ABCB1: variants seen among roughly 807,000 people sequenced by gnomAD.
ABCB1 encodes ATP-dependent translocase ABCB1.
ABCB1 carries 69 observed loss-of-function variants against 142.0 expected under a neutral mutation model. The ratio of observed to expected loss-of-function variants is 0.49; its 90% confidence interval spans 0.40 to 0.59. ABCB1 has a LOEUF of 0.59. Among genes scored for constraint, ABCB1 ranks in the 20% least tolerant of loss-of-function variants. ABCB1 has a pLI of 0.00. For synonymous variants in ABCB1, 532 were observed against 539.2 expected (o/e 0.99, Z 0.18); for missense variants, 1,326 against 1,554.7 (o/e 0.85, Z 2.47).
At chr7:87,542,089 A>G (rs1231913110) in intron 17 of ABCB1, among the ~76,000 whole-genome samples, 2 of 152,212 alleles carry the variant, frequency 1.3e-5, no homozygotes, top group Non-Finnish European at 2.9e-5. Context: ...TCAGGGAAAG[A>G]AAACACGTAT....
At chr7:87,645,081 CTT>C (rs551936794) in intron 1 of ABCB1, among the ~76,000 whole-genome samples, 21 of 128,042 alleles carry the variant, frequency 1.6e-4, no homozygotes, top group Non-Finnish European at 1.7e-4. Flanking sequence ...TGCTTTCTTT[CTT>C]TTTTTTTTTT....
At chr7:87,600,297 C>T in intron 1 of ABCB1, 107 bp from the exon 2 acceptor site, 4 of 905,220 alleles carry the variant, frequency 4.4e-6, no homozygotes, top group Non-Finnish European at 5.3e-6. Context: ...TAAGAGGGAG[C>T]GCCCGCCGTT....
rs1814559685 is a variant in ABCB1, at chr7:87,503,055, CA to C, written c.*1187del. The stretch of plus-strand genomic sequence containing the variant: ...GATTTTTTTATTCATCATTAAATTA[CA>C]AGGCAAAAAAATGATATTTTGTTTT... On this transcript the variant is annotated 3_prime_UTR_variant, in exon 28 of 28. Transcript: ENST00000622132. 6.6e-6 allele frequency among the ~76,000 whole-genome samples: 1 copy of C among 151,778 alleles called. No individual in the cohort carries two copies. Among genetic ancestry groups the C allele is most frequent in the African/African-American group, 2.4e-5 (1 of 41,356 alleles).
chr7:87,585,733 A>C, intron 3 of ABCB1, 53 bp from the exon 4 acceptor site: 1 of 1,583,738 alleles, frequency 6.3e-7, no homozygotes, highest in Non-Finnish European at 8.6e-7. Context: ...AGTTTCATGG[A>C]AGATTTGCTT....
intron 18 of ABCB1, among the ~76,000 whole-genome samples, chr7:87,540,363 G>A (rs768468496): frequency 2.6e-5 from 4 of 152,146 alleles, no homozygotes; most frequent in Non-Finnish European, 5.9e-5. Context: ...TGTGCCCAAG[G>A]ACACAAAATC....
At position 87,509,504 on chromosome 7, in the gene ABCB1, C is replaced by T. The variant is rs189804819; in HGVS notation, c.3283-23G>A. The T allele has an allele frequency of 3.4e-5, 55 of 1,610,692 alleles. 1 individual carries two copies. In the African/African-American group the frequency reaches 7.2e-4, roughly 21 times the overall value. On this transcript the variant is annotated intron_variant, in intron 25 of 27. Coordinates refer to ENST00000622132, the MANE Select transcript of ABCB1 (RefSeq NM_001348946.2). ...CAGCTGAAAACAAGAGTTCACAGAT[C>T]AACTTCAGGACCAGCACACTTTGAA...
Position 87,566,102 on chromosome 7 carries a change from C to A in ABCB1, c.670G>T (p.Val224Phe). The part of the protein sequence containing the change: ...LTLVILAISP[V>F]LGLSAAVWAK... ...CAGACAGCAGCTGACAGTCCAAGAA[C>A]AGGACTGATGGCCAAAATCACAAGG... Residue 224 changes from valine to phenylalanine, a missense_variant, in exon 7 of 28, where the codon GTT becomes TTT. Physicochemically the swap from Val to Phe is conservative, Grantham distance 50. Coordinates refer to ENST00000622132, the MANE Select transcript of ABCB1 (RefSeq NM_001348946.2). 1 of 1,614,202 alleles carries A rather than the reference C, an allele frequency of 6.2e-7. No individual in the cohort carries two copies. The highest frequency in any genetic ancestry group is 8.5e-7 in the Non-Finnish European group (1 of 1,180,032).
At chr7:87,678,978 A>G (rs192349625) in intron 1 of ABCB1, among the ~76,000 whole-genome samples, 1 of 152,158 alleles carries the variant, frequency 6.6e-6, no homozygotes, top group African/African-American at 2.4e-5. Context: ...TATACTTAGC[A>G]ATGTCAACAC....
chr7:87,554,286 T>C (rs1244420281), intron 8 of ABCB1, among the ~76,000 whole-genome samples: 3 of 150,618 alleles, frequency 2.0e-5, no homozygotes, highest in Non-Finnish European at 4.4e-5. Context: ...TCCTTCAAAA[T>C]CTGCATGCCT....
At chr7:87,539,565 A>G (rs556001400) in intron 18 of ABCB1, among the ~76,000 whole-genome samples, 20 of 152,312 alleles carry the variant, frequency 1.3e-4, no homozygotes, top group African/African-American at 4.6e-4. Flanking sequence ...AGAGAGCCTG[A>G]TAAGATCCAT....
Position 87,589,805 on chromosome 7 carries a change from GGAGAGA to G in ABCB1, c.118-4131_118-4126del, listed in dbSNP as rs370840500. On this transcript the variant is annotated intron_variant, in intron 3 of 27. Transcript: ENST00000622132. The stretch of plus-strand genomic sequence containing the variant: ...AAAAAAAGAAAGAGAGAGAGAGAGA[GGAGAGA>G]GAGAGAGAGAGAGAGAGAGAGAGAG... Among the ~76,000 whole-genome samples, 90 of 105,390 alleles carry G rather than the reference GGAGAGA, an allele frequency of 8.5e-4. 1 individual carries two copies. The highest frequency in any genetic ancestry group is 1.7e-3 in the South Asian group (6 of 3,528). The allele number at this position is 105,390 out of a possible 152,430, so 69.1% of individuals were successfully genotyped here.
intron 20 of ABCB1, among the ~76,000 whole-genome samples, chr7:87,535,576 T>G (rs10234411): frequency 6.6e-6 from 1 of 151,950 alleles, no homozygotes; most frequent in African/African-American, 2.4e-5. Flanking sequence ...CAACAATTAC[T>G]AAGAGGAGCT....
chr7:87,693,063 A>G (rs1828159011), intron 1 of ABCB1, among the ~76,000 whole-genome samples: 1 of 152,160 alleles, frequency 6.6e-6, no homozygotes, highest in South Asian at 2.1e-4. Flanking sequence ...GTGTGGGACC[A>G]TGTACTATTG....
At chr7:87,557,172 A>G (rs2129753459) in intron 8 of ABCB1, among the ~76,000 whole-genome samples, 1 of 152,240 alleles carries the variant, frequency 6.6e-6, no homozygotes, top group African/African-American at 2.4e-5. Context: ...ACGATTCCTT[A>G]TATTTCTTCC....
chr7:87,603,518 A>G (rs534570876), upstream of ABCB1, among the ~76,000 whole-genome samples: 1 of 152,300 alleles, frequency 6.6e-6, no homozygotes, highest in African/African-American at 2.4e-5. Flanking sequence ...CACAGACTAT[A>G]TCATATCTAA....
At chr7:87,540,445 T>A (rs747715161) in intron 18 of ABCB1, among the ~76,000 whole-genome samples, 1 of 152,162 alleles carries the variant, frequency 6.6e-6, no homozygotes, top group Non-Finnish European at 1.5e-5. Flanking sequence ...TTTATTTATT[T>A]ATTTATTTAT....
At chr7:87,556,016 G>A (rs1384965890) in intron 8 of ABCB1, among the ~76,000 whole-genome samples, 3 of 152,150 alleles carry the variant, frequency 2.0e-5, no homozygotes, top group Non-Finnish European at 4.4e-5. Flanking sequence ...GGGGCAAAGG[G>A]AAATGAGATA....
At chr7:87,527,621 A>C (rs2117118265) in intron 21 of ABCB1, among the ~76,000 whole-genome samples, 1 of 152,288 alleles carries the variant, frequency 6.6e-6, no homozygotes, top group East Asian at 1.9e-4. Flanking sequence ...GGTGTTATTT[A>C]ATGTTTATGG....
intron 1 of ABCB1, among the ~76,000 whole-genome samples, chr7:87,687,440 C>T (rs916180350): frequency 6.6e-6 from 1 of 152,166 alleles, no homozygotes; most frequent in African/African-American, 2.4e-5. Context: ...CCTCTTTCCC[C>T]TGAGTTACAT....
Sources: allele counts gnomAD v4.1 joint callset (sites outside exome capture counted in the v4.1 genomes callset), GRCh38; gene constraint gnomAD v4.1.1; transcripts MANE v1.5; gene names NCBI Gene and HGNC (gene_info 2026-07-23, HGNC 2026-07-21).